SMR3A: variants seen among roughly 807,000 people sequenced by gnomAD.
SMR3A encodes submaxillary gland androgen regulated protein 3A, also known as submaxillary gland androgen-regulated protein 3A.
For synonymous variants in SMR3A, 48 were observed against 57.4 expected (o/e 0.84, Z 0.74); for missense variants, 188 against 163.0 (o/e 1.15, Z -0.84).
chr4:70,365,568 A>G (rs1481953449), intron 2 of SMR3A, among the ~76,000 whole-genome samples: 1 of 152,008 alleles, frequency 6.6e-6, no homozygotes, highest in Non-Finnish European at 1.5e-5. Context: ...CCCTATCTCT[A>G]TGTGCCAGAA....
chr4:70,364,639 C>T (rs576764326), intron 2 of SMR3A, among the ~76,000 whole-genome samples: 2 of 151,750 alleles, frequency 1.3e-5, no homozygotes. Flanking sequence ...TTTCTAATTG[C>T]CTGAAATATC....
chr4:70,363,077 TA>T (rs1257014085), intron 2 of SMR3A, among the ~76,000 whole-genome samples: 5 of 152,086 alleles, frequency 3.3e-5, no homozygotes, highest in Admixed American at 3.3e-4. Context: ...GATAAGCCAA[TA>T]AAACATATTG....
chr4:70,366,677 T>C lies in SMR3A; in HGVS notation c.88T>C (p.Tyr30His). ...GAGTCAAAGAGGCCCCAGGGGACCATATCCACCTGGACCACTGGCTCCTCC... is the reference window on the plus strand; with the variant it reads ...GAGTCAAAGAGGCCCCAGGGGACCACATCCACCTGGACCACTGGCTCCTCC... ...GESQRGPRGP[Y>H]PPGPLAPPPP... Residue 30 changes from tyrosine (Y) to histidine (H), a missense_variant, in exon 3 of 3, where the codon TAT becomes CAT. Physicochemically the swap from Tyr to His is moderately conservative, Grantham distance 83. Transcript: ENST00000226460. The C allele has an allele frequency of 1.2e-6, 2 of 1,612,626 alleles. No homozygotes were observed. The highest frequency in any genetic ancestry group is 1.3e-5 in the African/African-American group (1 of 74,970).
chr4:70,363,009 C>T (rs1367376771), intron 2 of SMR3A, among the ~76,000 whole-genome samples: 3 of 151,874 alleles, frequency 2.0e-5, no homozygotes, highest in Non-Finnish European at 2.9e-5. Context: ...TCTGAGATGA[C>T]TGAAGTATTC....
chr4:70,366,829 T>C lies in SMR3A; in HGVS notation c.240T>C (p.Pro80=), dbSNP rs759753744. 232 of 1,613,322 alleles carry C rather than the reference T, an allele frequency of 1.4e-4. No homozygotes were observed. The highest frequency in any genetic ancestry group is 1.7e-4 in the Non-Finnish European group (205 of 1,179,760). Residue 80 remains proline, a synonymous_variant, in exon 3 of 3, where the codon CCT becomes CCC. Transcript: ENST00000226460. ...PYGPGRIPPS[P]PPPYGPGRIQ... Reference sequence around the variant, plus strand: ...GTCCAGGGAGAATCCCACCATCCCCTCCTCCACCCTATGGTCCAGGGAGAA... The same window carrying C: ...GTCCAGGGAGAATCCCACCATCCCCCCCTCCACCCTATGGTCCAGGGAGAA...
intron 2 of SMR3A, among the ~76,000 whole-genome samples, chr4:70,364,816 G>A (rs1183467700): frequency 2.6e-5 from 4 of 151,980 alleles, no homozygotes; most frequent in Non-Finnish European, 5.9e-5. Context: ...AGGCAGCACT[G>A]AAGGACGCTA....
In SMR3A at chr4:70,362,675, G is replaced by A. The variant is rs532099094; in HGVS notation, c.54+506G>A. Among the ~76,000 whole-genome samples the A allele has an allele frequency of 9.9e-5, 15 of 151,724 alleles. No individual in the cohort carries two copies. In the East Asian group the frequency reaches 2.3e-3, roughly 24 times the overall value. On this transcript the variant is annotated intron_variant, in intron 2 of 2. Coordinates refer to ENST00000226460, the MANE Select transcript of SMR3A (RefSeq NM_012390.4). ...AACACCTACCATATATTAAAAACTAGGTTAAGGACAACTACCCTTATTGTC... is the reference window on the plus strand; with the variant it reads ...AACACCTACCATATATTAAAAACTAAGTTAAGGACAACTACCCTTATTGTC...
intron 2 of SMR3A, among the ~76,000 whole-genome samples, chr4:70,365,654 C>T (rs1227033255): frequency 1.3e-5 from 2 of 151,982 alleles, no homozygotes; most frequent in South Asian, 4.1e-4. Flanking sequence ...CACATTTATC[C>T]CCCCCTGTAT....
In SMR3A at chr4:70,366,901, G is replaced by A. The variant is rs886736884; in HGVS notation, c.312G>A (p.Gln104=). 2.5e-6 allele frequency: 4 copies of A among 1,613,396 alleles called. No individual in the cohort carries two copies. Among genetic ancestry groups the A allele is most frequent in the Non-Finnish European group, 3.4e-6 (4 of 1,179,706 alleles). ...LPPPYGPGYP[Q]PPSQPRPYPP... ...CTCCTTATGGCCCAGGTTATCCACA[G>A]CCACCTTCCCAACCAAGACCCTATC... Residue 104 remains glutamine (Q), a synonymous_variant, in exon 3 of 3, where the codon CAG becomes CAA. Transcript: ENST00000226460.
At chr4:70,365,582 G>A (rs1156868703) in intron 2 of SMR3A, among the ~76,000 whole-genome samples, 1 of 151,980 alleles carries the variant, frequency 6.6e-6, no homozygotes, top group East Asian at 1.9e-4. Flanking sequence ...GCCAGAAGGA[G>A]AGCTCAAACA....
At chr4:70,364,155 G>A in intron 2 of SMR3A, among the ~76,000 whole-genome samples, 1 of 152,044 alleles carries the variant, frequency 6.6e-6, no homozygotes, top group Non-Finnish European at 1.5e-5. Flanking sequence ...GGAAAGAGGT[G>A]AAAAGGAGGT....
rs180678952 is a variant in SMR3A at position 70,364,047 on chromosome 4, C to T, written c.54+1878C>T. ...TTGGTGATATGAATAAAACTTTTAC[C>T]GGCATGTTAAGGGCAAAAGCCAGGT... On this transcript the variant is annotated intron_variant, in intron 2 of 2. Coordinates refer to ENST00000226460, the MANE Select transcript of SMR3A (RefSeq NM_012390.4). Among the ~76,000 whole-genome samples, 213 of 151,956 alleles carry T rather than the reference C, an allele frequency of 1.4e-3. 1 individual carries two copies. The highest frequency in any genetic ancestry group is 2.3e-3 in the Non-Finnish European group (154 of 67,924).
At position 70,367,142 on chromosome 4, in the gene SMR3A, G is replaced by T; in HGVS notation, c.*148G>T. On this transcript the variant is annotated 3_prime_UTR_variant, in exon 3 of 3. Coordinates refer to ENST00000226460, the MANE Select transcript of SMR3A (RefSeq NM_012390.4). ...ACTTCCATTTTTGGATGAGAATAAA[G>T]ATTTCCAAAGCACTGAGCTTTTGGG... is the stretch of plus-strand genomic sequence containing the variant. 1 of 711,632 alleles carries T rather than the reference G, an allele frequency of 1.4e-6. No individual in the cohort carries two copies. Among genetic ancestry groups the T allele is most frequent in the South Asian group, 1.9e-5 (1 of 52,472 alleles). The allele number at this position is 711,632 out of a possible 1,614,324, so 44.1% of individuals were successfully genotyped here. A position where few individuals can be genotyped will look rare whatever the true frequency, so the allele number is the denominator to read the frequency against.
intron 2 of SMR3A, among the ~76,000 whole-genome samples, chr4:70,365,112 T>C (rs1401404230): frequency 1.3e-5 from 2 of 152,062 alleles, no homozygotes; most frequent in African/African-American, 4.8e-5. Context: ...GCATGCTCCC[T>C]CCTTATTTTG....
chr4:70,364,138 C>T (rs988419725), intron 2 of SMR3A, among the ~76,000 whole-genome samples: 5 of 152,018 alleles, frequency 3.3e-5, no homozygotes, highest in South Asian at 2.1e-4. Flanking sequence ...TAGAGCTTTG[C>T]TTTGCAGGAA....
intron 2 of SMR3A, among the ~76,000 whole-genome samples, chr4:70,363,787 G>C: frequency 6.6e-6 from 1 of 152,056 alleles, no homozygotes; most frequent in Middle Eastern, 3.4e-3. Flanking sequence ...GGTACTTTCA[G>C]CTAATTTTTT....
intron 1 of SMR3A, among the ~76,000 whole-genome samples, chr4:70,361,855 G>C (rs970962099): frequency 5.9e-5 from 9 of 151,720 alleles, no homozygotes; most frequent in Non-Finnish European, 1.0e-4. Context: ...ACAACTCTTT[G>C]GCATTATCTC....
chr4:70,364,689 T>C (rs1361141520), intron 2 of SMR3A, among the ~76,000 whole-genome samples: 2 of 151,952 alleles, frequency 1.3e-5, no homozygotes, highest in African/African-American at 2.4e-5. Flanking sequence ...TGGGGGTAGA[T>C]GAGAGCTCAG....
chr4:70,367,114 A>G lies in SMR3A; in HGVS notation c.*120A>G. Reference sequence around the variant, plus strand: ...TACTTCCAAGAGACTTTTAGATAAAATCACTTCCATTTTTGGATGAGAATA... The same window carrying G: ...TACTTCCAAGAGACTTTTAGATAAAGTCACTTCCATTTTTGGATGAGAATA... On this transcript the variant is annotated 3_prime_UTR_variant, in exon 3 of 3. Transcript: ENST00000226460. 1 of 830,834 alleles carries G rather than the reference A, an allele frequency of 1.2e-6. No individual in the cohort carries two copies. Among genetic ancestry groups the G allele is most frequent in the Non-Finnish European group, 1.9e-6 (1 of 535,068 alleles). The allele number at this position is 830,834 out of a possible 1,614,324, so 51.5% of individuals were successfully genotyped here.
Sources: allele counts gnomAD v4.1 joint callset (sites outside exome capture counted in the v4.1 genomes callset), GRCh38; gene constraint gnomAD v4.1.1; transcripts MANE v1.5; gene names NCBI Gene and HGNC (gene_info 2026-07-23, HGNC 2026-07-21).